EXOC3L4: variants seen among roughly 807,000 people sequenced by gnomAD.
EXOC3L4 encodes exocyst complex component 3 like 4.
Under a neutral mutation model 69.7 loss-of-function variants are expected in EXOC3L4, and 62 were observed. That is an observed-to-expected ratio of 0.89 (90% CI 0.72 to 1.10). The LOEUF (loss-of-function observed/expected upper bound fraction) is 1.10, where lower values mean the gene tolerates loss of function less well. Ranked by LOEUF, EXOC3L4 falls within the 50% of genes least tolerant of loss-of-function variation. The probability of loss-of-function intolerance (pLI) is 0.00; values close to 1 mark genes in which losing one functional copy is unlikely to be tolerated. For missense variants in EXOC3L4, 1,087 were observed against 1,034.8 expected (o/e 1.05, Z -0.69); for synonymous variants, 502 against 464.2 (o/e 1.08, Z -1.05).
chr14:103,102,884 G>C, intron 3 of EXOC3L4, 112 bp downstream of exon 3: 1 of 1,078,482 alleles, frequency 9.3e-7, no homozygotes, highest in South Asian at 3.1e-5. Context: ...CCCTCCCTGG[G>C]AGAGGGCTGA....
Position 103,110,015 on chromosome 14 carries a change from C to A in EXOC3L4, c.1977-16C>A. 6.3e-7 allele frequency: 1 copy of A among 1,576,870 alleles called. No homozygotes were observed. The highest frequency in any genetic ancestry group is 8.6e-7 in the Non-Finnish European group (1 of 1,163,032). ...GGAGGTGTAGGTCTGCAGTGAGTGCCCGCATGTCTCTGCAGGCGGGACCAC... is the reference window on the plus strand; with the variant it reads ...GGAGGTGTAGGTCTGCAGTGAGTGCACGCATGTCTCTGCAGGCGGGACCAC... On this transcript the variant is annotated splice_polypyrimidine_tract_variant and intron_variant, in intron 11 of 11. Transcript: ENST00000688303.
Position 103,102,168 on chromosome 14 carries a change from T to C in EXOC3L4, c.445T>C (p.Phe149Leu). 6.2e-7 allele frequency: 1 copy of C among 1,604,384 alleles called. No individual in the cohort carries two copies. The highest frequency in any genetic ancestry group is 8.5e-7 in the Non-Finnish European group (1 of 1,176,144). Residue 149 changes from phenylalanine (F) to leucine (L), a missense_variant, in exon 3 of 12, where the codon TTC becomes CTC. Coordinates refer to ENST00000688303, the MANE Select transcript of EXOC3L4 (RefSeq NM_001077594.2). ...LITERQLLAA[F>L]EQLLRLETLL... ...TACTGAACGGCAACTGCTGGCGGCC[T>C]TCGAACAGCTTCTGCGCCTGGAGAC...
chr14:103,105,403 T>C (rs1369215257), intron 7 of EXOC3L4, among the ~76,000 whole-genome samples: 3 of 151,548 alleles, frequency 2.0e-5, no homozygotes, highest in Non-Finnish European at 4.4e-5. Context: ...GAGGTGTTTA[T>C]GCATGTGCGT....
Position 103,110,130 on chromosome 14 carries a change from C to G in EXOC3L4, c.2076C>G (p.Ala692=), listed in dbSNP as rs754043114. 3 of 1,554,172 alleles carry G rather than the reference C, an allele frequency of 1.9e-6. No homozygotes were observed. The highest frequency in any genetic ancestry group is 2.6e-6 in the Non-Finnish European group (3 of 1,149,240). ...CTCAAGACCTGCTGAGAGCTGCGGC[C>G]GGGGCGGCGGGTGCGGAGGCCCCTC... is the stretch of plus-strand genomic sequence containing the variant. ...QHTQDLLRAA[A]GAAGAEAPRG... The change falls in exon 12 of 12, where the codon GCC becomes GCG. Residue 692 remains alanine (A), a synonymous_variant. Coordinates refer to ENST00000688303, the MANE Select transcript of EXOC3L4 (RefSeq NM_001077594.2).
At position 103,104,812 on chromosome 14, in the gene EXOC3L4, G is replaced by A; in HGVS notation, c.1359G>A (p.Thr453=). 1 of 1,513,128 alleles carries A rather than the reference G, an allele frequency of 6.6e-7. No homozygotes were observed. Among genetic ancestry groups the A allele is most frequent in the Non-Finnish European group, 8.9e-7 (1 of 1,124,302 alleles). 93.7% of individuals were successfully genotyped at this position (1,513,128 alleles called of 1,614,324 possible). A position where few individuals can be genotyped will look rare whatever the true frequency, so the allele number is the denominator to read the frequency against. Residue 453 remains threonine (T), a synonymous_variant, in exon 6 of 12, where the codon ACG becomes ACA. Transcript: ENST00000688303. ...AGGCCACCACCCTGCGAATCTGCAC[G>A]CGGGCGCTCGGCCTCTTCGTGCCCA... ...ELEATTLRIC[T]RALGLFVPRF...
In EXOC3L4 at chr14:103,097,018, C is replaced by T. The variant is rs914066738; in HGVS notation, c.-17+2178C>T. 1.3e-5 allele frequency among the ~76,000 whole-genome samples: 2 copies of T among 151,502 alleles called. No individual in the cohort carries two copies. The highest frequency in any genetic ancestry group is 4.9e-5 in the African/African-American group (2 of 41,158). Reference sequence around the variant, plus strand: ...GAGTGGAGCGATGGTCCAGTCCCAGCGTAGTTGGGGAGGCTGGGGAGTGGG... The same window carrying T: ...GAGTGGAGCGATGGTCCAGTCCCAGTGTAGTTGGGGAGGCTGGGGAGTGGG... On this transcript the variant is annotated intron_variant, in intron 1 of 11. Coordinates refer to ENST00000688303, the MANE Select transcript of EXOC3L4 (RefSeq NM_001077594.2). This position sits in a 1 kb window ranked among gnomAD's most constrained non-coding sequence, Gnocchi z 4.9.
chr14:103,108,477 C>G lies in EXOC3L4; in HGVS notation c.1936C>G (p.Arg646Gly), dbSNP rs549171249. Reference protein sequence around the residue: ...LGETYKDDIQRHLETLIRSYP... With the variant: ...LGETYKDDIQGHLETLIRSYP... ...CGAGACCTACAAAGATGACATCCAG[C>G]GGCACCTGGAGACTCTTATCCGGAG... The change falls in exon 11 of 12, where the codon CGG (arginine) becomes GGG (glycine). Residue 646 changes from arginine to glycine, a missense_variant. Coordinates refer to ENST00000688303, the MANE Select transcript of EXOC3L4 (RefSeq NM_001077594.2). 1.2e-6 allele frequency: 2 copies of G among 1,613,942 alleles called. No homozygotes were observed. The highest frequency in any genetic ancestry group is 1.3e-5 in the African/African-American group (1 of 75,014).
At chr14:103,107,893 C>T (rs1448183216) in intron 10 of EXOC3L4, 110 bp downstream of exon 10, 4 of 1,401,810 alleles carry the variant, frequency 2.9e-6, no homozygotes, top group Non-Finnish European at 3.8e-6. Flanking sequence ...TCTCCCCACT[C>T]TGGATCAGGT....
At position 103,104,355 on chromosome 14, in the gene EXOC3L4, T is replaced by G. The variant is rs1221691472; in HGVS notation, c.1250T>G (p.Leu417Arg). ...GAGGTCCCCGAGGTGCTGCAGGGCC[T>G]CTACCAGGCGCCGCTGTCCATGGAC... The part of the protein sequence containing the change: ...AAEVPEVLQG[L>R]YQAPLSMDVH... The change falls in exon 5 of 12, where the codon CTC (leucine) becomes CGC (arginine). Residue 417 changes from leucine to arginine, a missense_variant. Coordinates refer to ENST00000688303, the MANE Select transcript of EXOC3L4 (RefSeq NM_001077594.2). 1 of 1,588,322 alleles carries G rather than the reference T, an allele frequency of 6.3e-7. No homozygotes were observed. The highest frequency in any genetic ancestry group is 2.3e-5 in the East Asian group (1 of 43,258).
Position 103,110,534 on chromosome 14 carries a change from A to G in EXOC3L4, c.*311A>G, listed in dbSNP as rs1800957175. 2 of 447,014 alleles carry G rather than the reference A, an allele frequency of 4.5e-6. No homozygotes were observed. The highest frequency in any genetic ancestry group is 2.0e-5 in the African/African-American group (1 of 49,276). 27.7% of individuals were successfully genotyped at this position (447,014 alleles called of 1,614,324 possible). ...TCTGAAAGTGAAGAGCAGAGTATTTATTTAAAAAATAAATGTGAATTAAAA... is the reference window on the plus strand; with the variant it reads ...TCTGAAAGTGAAGAGCAGAGTATTTGTTTAAAAAATAAATGTGAATTAAAA... On this transcript the variant is annotated 3_prime_UTR_variant, in exon 12 of 12. Transcript: ENST00000688303.
chr14:103,103,872 G>T, intron 3 of EXOC3L4, 69 bp from the exon 4 acceptor site: 1 of 1,050,776 alleles, frequency 9.5e-7, no homozygotes, highest in Non-Finnish European at 1.4e-6. Flanking sequence ...TTTGAGCCTG[G>T]CCAGAAGAGG....
At chr14:103,101,686 C>T (rs1890192562) in intron 2 of EXOC3L4, among the ~76,000 whole-genome samples, 1 of 152,164 alleles carries the variant, frequency 6.6e-6, no homozygotes, top group Admixed American at 6.5e-5. Flanking sequence ...AGGTGGAGAG[C>T]TCTTGTCGGG....
At position 103,105,016 on chromosome 14, in the gene EXOC3L4, G is replaced by C. The variant is rs772188063; in HGVS notation, c.1410G>C (p.Ser470=). The C allele has an allele frequency of 6.2e-7, 1 of 1,612,544 alleles. No individual in the cohort carries two copies. Among genetic ancestry groups the C allele is most frequent in the South Asian group, 1.1e-5 (1 of 90,990 alleles). Residue 470 remains serine (S), a synonymous_variant, in exon 7 of 12, where the codon TCG becomes TCC. Coordinates refer to ENST00000688303, the MANE Select transcript of EXOC3L4 (RefSeq NM_001077594.2). ...GGTTTGAAAAGGCTTTTCTGGCGTC[G>C]GAGGCGGTGAGCGAGCCGCACCTGG... The part of the protein sequence containing the change: ...VPRFEKAFLA[S]EAVSEPHLGA...
Position 103,100,240 on chromosome 14 carries a change from C to T in EXOC3L4, c.21C>T (p.Asp7=), listed in dbSNP as rs1890094116. ...CCAAGATGCCATCACCACAGACAGA[C>T]ACTCCTGGGCCGGAGCTGCAGAGTC... MPSPQT[D]TPGPELQSPK... is the part of the protein sequence containing the mutation. The change falls in exon 2 of 12, where the codon GAC becomes GAT. Residue 7 remains aspartate (D), a synonymous_variant. Transcript: ENST00000688303. The T allele has an allele frequency of 6.3e-7, 1 of 1,579,226 alleles. No homozygotes were observed. Among genetic ancestry groups the T allele is most frequent in the African/African-American group, 1.3e-5 (1 of 74,486 alleles).
intron 10 of EXOC3L4, among the ~76,000 whole-genome samples, 183 bp downstream of exon 10, chr14:103,107,966 C>T (rs974148826): frequency 6.6e-6 from 1 of 152,116 alleles, no homozygotes; most frequent in Non-Finnish European, 1.5e-5. Flanking sequence ...GAGGGCGGCA[C>T]TTTGCATACA....
rs1248265822 is a variant in EXOC3L4 at position 103,100,517 on chromosome 14, T to C, written c.298T>C (p.Ser100Pro). 1.9e-6 allele frequency: 3 copies of C among 1,612,870 alleles called. No individual in the cohort carries two copies. The South Asian group carries it at 3.3e-5, about 18-fold the overall frequency. Reference sequence around the variant, plus strand: ...GAATGACGGCCCAGCTACCGGCCATTCCCAGGCCACTCCTGAGGTGCCCTC... The same window carrying C: ...GAATGACGGCCCAGCTACCGGCCATCCCCAGGCCACTCCTGAGGTGCCCTC... ...ALNDGPATGHSQATPEVPSGV... is the reference protein window; with the variant it reads ...ALNDGPATGHPQATPEVPSGV... The change falls in exon 2 of 12, where the codon TCC becomes CCC. Residue 100 changes from serine (S) to proline (P), a missense_variant. Transcript: ENST00000688303.
In EXOC3L4 at chr14:103,102,620, C is replaced by T; in HGVS notation, c.897C>T (p.Pro299=). 6.7e-7 allele frequency: 1 copy of T among 1,500,806 alleles called. No homozygotes were observed. Among genetic ancestry groups the T allele is most frequent in the Admixed American group, 2.2e-5 (1 of 46,390 alleles). The allele number at this position is 1,500,806 out of a possible 1,614,324, so 93.0% of individuals were successfully genotyped here. ...AGAAGGTGCGGCAGGAGGTGCAGCC[C>T]GCGTATGCGGCGGCCGGCTTCCCAG... ...DLQKVRQEVQ[P]AYAAAGFPAW... The change falls in exon 3 of 12, where the codon CCC becomes CCT. Residue 299 remains proline (P), a synonymous_variant. Coordinates refer to ENST00000688303, the MANE Select transcript of EXOC3L4 (RefSeq NM_001077594.2).
rs898178536 is a variant in EXOC3L4, at chr14:103,097,254, G to T, written c.-17+2414G>T. ...GCCCCTGCTGCTGGCCCCACAAAGG[G>T]TGTATTAGCCTGACCTGGGGAGAGT... On this transcript the variant is annotated intron_variant, in intron 1 of 11. Transcript: ENST00000688303. The surrounding 1 kb of genome is among the most constrained non-coding windows in gnomAD (Gnocchi z 4.9). Among the ~76,000 whole-genome samples, 1 of 152,158 alleles carries T rather than the reference G, an allele frequency of 6.6e-6. No individual in the cohort carries two copies.
intron 10 of EXOC3L4, 67 bp from the exon 11 acceptor site, chr14:103,108,329 C>G (rs1890697299): frequency 6.3e-7 from 1 of 1,586,856 alleles, no homozygotes; most frequent in South Asian, 1.2e-5. Context: ...TGACCTCGCG[C>G]TCTTGCAGGA....
Sources: allele counts gnomAD v4.1 joint callset (sites outside exome capture counted in the v4.1 genomes callset), GRCh38; gene constraint gnomAD v4.1.1; non-coding constraint Gnocchi (gnomAD v3.1); transcripts MANE v1.5; gene names NCBI Gene and HGNC (gene_info 2026-07-23, HGNC 2026-07-21).